Variants in RHOT1 observed in about 807,000 individuals in gnomAD.
RHOT1 encodes mitochondrial Rho GTPase 1.
Under a neutral mutation model 95.3 loss-of-function variants are expected in RHOT1, and 27 were observed. The observed-to-expected ratio is 0.28, with a 90% CI of 0.21 to 0.39. The LOEUF is 0.39. Ranked by LOEUF, RHOT1 falls within the 10% of genes least tolerant of loss-of-function variation. RHOT1 has a pLI of 1.00. For synonymous variants in RHOT1, 227 were observed against 263.5 expected (o/e 0.86, Z 1.34); for missense variants, 578 against 786.7 (o/e 0.73, Z 3.17).
intron 8 of RHOT1, 50 bp from the exon 9 acceptor site, chr17:32,192,151 T>C (rs1325050528): frequency 1.1e-6 from 1 of 896,436 alleles, no homozygotes; most frequent in Non-Finnish European, 1.8e-6. Context: ...TCAGCATTGC[T>C]TATGAAAATC....
At chr17:32,207,104 C>T (rs1029701546) in intron 17 of RHOT1, 75 bp downstream of exon 17, 5 of 1,376,592 alleles carry the variant, frequency 3.6e-6, no homozygotes, top group Non-Finnish European at 4.9e-6. Context: ...GTGGTGTTTC[C>T]TAACCACAAA....
chr17:32,195,047 G>A (rs948480801), intron 11 of RHOT1, among the ~76,000 whole-genome samples: 15 of 151,270 alleles, frequency 9.9e-5, no homozygotes, highest in African/African-American at 3.4e-4. Flanking sequence ...GAATGGTCTC[G>A]ATCTCCTGAC....
chr17:32,192,327 C>A (rs769523862), intron 9 of RHOT1, 28 bp downstream of exon 9: 3 of 754,886 alleles, frequency 4.0e-6, no homozygotes, highest in South Asian at 1.6e-5. Flanking sequence ...CAGACATTTG[C>A]GTATCTTTTT....
intron 1 of RHOT1, among the ~76,000 whole-genome samples, chr17:32,146,734 A>G (rs2031401246): frequency 6.9e-6 from 1 of 144,724 alleles, no homozygotes; most frequent in Non-Finnish European, 1.5e-5. Context: ...CTGGGATTAC[A>G]GGAGTGAGCC....
At chr17:32,149,635 A>ATATATATATATATATATATGTGTGTG (rs1445281403) in intron 1 of RHOT1, among the ~76,000 whole-genome samples, 2 of 59,072 alleles carry the variant, frequency 3.4e-5, no homozygotes, top group Non-Finnish European at 6.8e-5. Context: ...ATATATATAT[A>ATATATATATATATATATATGTGTGTG]TGTGTGTGTG....
chr17:32,170,985 A>T, intron 1 of RHOT1, 58 bp from the exon 2 acceptor site: 1 of 1,300,812 alleles, frequency 7.7e-7, no homozygotes, highest in Non-Finnish European at 1.1e-6. Flanking sequence ...GTGGTTGCCA[A>T]ATTTGAGCTT....
At chr17:32,223,417 C>CTTT (rs35956904) in intron 19 of RHOT1, among the ~76,000 whole-genome samples, 1 of 139,358 alleles carries the variant, frequency 7.2e-6, no homozygotes. Flanking sequence ...TCTTTTCTTT[C>CTTT]TTTTTTTTTT....
chr17:32,173,840 C>T lies in RHOT1; in HGVS notation c.106C>T (p.Arg36Trp), dbSNP rs1439731789. 21 of 1,606,654 alleles carry T rather than the reference C, an allele frequency of 1.3e-5. No homozygotes were observed. Among genetic ancestry groups the T allele is most frequent in the East Asian group, 2.2e-5 (1 of 44,796 alleles). ...TTGTTTGTAAATGAAGGTTCCTCCC[C>T]GGGCAGAAGAAATCACCATTCCAGC... ...SEEFPEEVPP[R>W]AEEITIPADV... The change falls in exon 3 of 20, where the codon CGG (arginine) becomes TGG (tryptophan). Residue 36 changes from arginine to tryptophan, a missense_variant. Physicochemically the swap from Arg to Trp is moderately radical, Grantham distance 101 (BLOSUM62 -3). This residue lies in a region of RHOT1 where 51 missense variants were observed against 114.7 expected (regional missense o/e 0.44). Transcript: ENST00000545287.
At position 32,224,965 on chromosome 17, in the gene RHOT1, G is replaced by A; in HGVS notation, c.*232G>A. 3.1e-6 allele frequency: 1 copy of A among 322,894 alleles called. No homozygotes were observed. Among genetic ancestry groups the A allele is most frequent in the Non-Finnish European group, 5.9e-6 (1 of 170,176 alleles). 20.0% of individuals were successfully genotyped at this position (322,894 alleles called of 1,614,324 possible). On this transcript the variant is annotated 3_prime_UTR_variant, in exon 20 of 20. Transcript: ENST00000545287. ...AATGGCTAAATTCCAGAGGCCAAAA[G>A]GGAATATTTTGTAAATATATGTACA...
intron 6 of RHOT1, among the ~76,000 whole-genome samples, chr17:32,180,379 C>T (rs1472642290): frequency 6.6e-6 from 1 of 152,118 alleles, no homozygotes; most frequent in Non-Finnish European, 1.5e-5. Context: ...CTCTCTGAAA[C>T]ATGTGCTGTG....
intron 8 of RHOT1, among the ~76,000 whole-genome samples, chr17:32,190,372 T>G (rs1403811438): frequency 2.6e-5 from 4 of 152,006 alleles, no homozygotes; most frequent in African/African-American, 7.3e-5. Context: ...GGAGAATCGC[T>G]TGAACCTGGG....
At chr17:32,142,984 G>A (rs1174455751) in intron 1 of RHOT1, 1 of 710,470 alleles carries the variant, frequency 1.4e-6, no homozygotes, top group East Asian at 2.7e-5. Flanking sequence ...TTCCCCAGCC[G>A]TCCTCCCAAG....
chr17:32,189,717 A>G (rs1184664280), intron 8 of RHOT1, among the ~76,000 whole-genome samples: 3 of 150,326 alleles, frequency 2.0e-5, no homozygotes, highest in Admixed American at 1.3e-4. Flanking sequence ...GACAACAACA[A>G]TATCTTTTCT....
chr17:32,189,548 C>T (rs903266144), intron 8 of RHOT1, among the ~76,000 whole-genome samples: 2 of 152,070 alleles, frequency 1.3e-5, no homozygotes, highest in African/African-American at 4.8e-5. Flanking sequence ...GTTAATCCCT[C>T]ATCCCCACCC....
In RHOT1 at chr17:32,216,506, C is replaced by T. The variant is rs139359628; in HGVS notation, c.1862+5268C>T. On this transcript the variant is annotated intron_variant, in intron 19 of 19. Coordinates refer to ENST00000545287, the MANE Select transcript of RHOT1 (RefSeq NM_001033566.3). ...TTGACAACCAAGTGCATAGTTCACA[C>T]CGAATATTTACAGAGACCCAAAAGT... is the stretch of plus-strand genomic sequence containing the variant. Among the ~76,000 whole-genome samples, 65 of 152,194 alleles carry T rather than the reference C, an allele frequency of 4.3e-4. No individual in the cohort carries two copies. The East Asian group carries it at 7.7e-3, about 18-fold the overall frequency.
At chr17:32,186,125 T>A (rs1363503729) in intron 8 of RHOT1, among the ~76,000 whole-genome samples, 1 of 152,212 alleles carries the variant, frequency 6.6e-6, no homozygotes, top group Non-Finnish European at 1.5e-5. Context: ...ACACAATGAC[T>A]GGACCATTTT....
intron 1 of RHOT1, among the ~76,000 whole-genome samples, chr17:32,161,159 G>A (rs1277289345): frequency 6.6e-6 from 1 of 152,196 alleles, no homozygotes; most frequent in East Asian, 1.9e-4. Flanking sequence ...TAGTCTCCCA[G>A]AAGGCTCAGA....
chr17:32,209,530 T>A, intron 18 of RHOT1: 2 of 788,328 alleles, frequency 2.5e-6, no homozygotes, highest in Non-Finnish European at 4.2e-6. Flanking sequence ...TTGCCATAAT[T>A]AACATTTAGT....
At position 32,142,576 on chromosome 17, in the gene RHOT1, C is replaced by T; in HGVS notation, c.-117C>T. 1 of 814,178 alleles carries T rather than the reference C, an allele frequency of 1.2e-6. No homozygotes were observed. Among genetic ancestry groups the T allele is most frequent in the Non-Finnish European group, 1.8e-6 (1 of 560,614 alleles). The allele number at this position is 814,178 out of a possible 1,614,324, so 50.4% of individuals were successfully genotyped here. ...TGCGGGGAAGCAACTGAGGGGGCGG[C>T]GCGGCGGGCCCCGGCGGCCGAAGAG... On this transcript the variant is annotated 5_prime_UTR_variant, in exon 1 of 20. Coordinates refer to ENST00000545287, the MANE Select transcript of RHOT1 (RefSeq NM_001033566.3).
Sources: gnomAD v4.1 joint callset for allele counts (sites outside exome capture counted in the v4.1 genomes callset) on GRCh38, gnomAD v4.1.1 for gene constraint, gnomAD v4.1.1 regional missense constraint, MANE v1.5 for transcripts, NCBI Gene and HGNC (gene_info 2026-07-23, HGNC 2026-07-21) for gene names.